FEZ2: variants seen among roughly 807,000 people sequenced by gnomAD.
FEZ2 encodes the protein fasciculation and elongation protein zeta 2, also known as fasciculation and elongation protein zeta-2.
FEZ2 carries 51 observed loss-of-function variants against 40.4 expected under a neutral mutation model. The observed-to-expected ratio is 1.26, with a 90% CI of 1.01 to 1.59. The LOEUF is 1.59. FEZ2 is among the 40% of genes most tolerant of loss of function. The probability of loss-of-function intolerance (pLI) is 0.00; values close to 1 mark genes in which losing one functional copy is unlikely to be tolerated. For missense variants in FEZ2, 640 were observed against 438.3 expected (o/e 1.46, Z -4.11); for synonymous variants, 242 against 172.0 (o/e 1.41, Z -3.18).
At chr2:36,593,551 C>A (rs968802815) in intron 1 of FEZ2, among the ~76,000 whole-genome samples, 4 of 152,108 alleles carry the variant, frequency 2.6e-5, no homozygotes, top group African/African-American at 9.6e-5. Flanking sequence ...TTGGGGCTTG[C>A]ACCCTCTGAA....
At chr2:36,553,876 C>G (rs979553231) in intron 7 of FEZ2, among the ~76,000 whole-genome samples, 1 of 152,130 alleles carries the variant, frequency 6.6e-6, no homozygotes, top group African/African-American at 2.4e-5. Context: ...GGCAAAGTGT[C>G]GTATTATTGG....
At chr2:36,578,453 G>T in intron 5 of FEZ2, 144 bp downstream of exon 5, 2 of 878,068 alleles carry the variant, frequency 2.3e-6, no homozygotes, top group Non-Finnish European at 3.6e-6. Flanking sequence ...CGGTATTCTG[G>T]AATAAAATCC....
Position 36,578,685 on chromosome 2 carries a change from T to C in FEZ2, c.815A>G (p.Glu272Gly). ...VLIEVQNKQK[E>G]HKETAKKKKK... ...TTTCTTTTTTGCTGTTTCTTTGTGC[T>C]CTTTCTGTTTGTTTTGCACTTCAAT... The change falls in exon 5 of 8, where the codon GAG becomes GGG. Residue 272 changes from glutamate to glycine, a missense_variant. By Grantham distance (98) the Glu-to-Gly change is moderately conservative. Transcript: ENST00000405912. The C allele has an allele frequency of 6.2e-7, 1 of 1,613,912 alleles. No homozygotes were observed. Among genetic ancestry groups the C allele is most frequent in the Non-Finnish European group, 8.5e-7 (1 of 1,179,808 alleles).
intron 1 of FEZ2, among the ~76,000 whole-genome samples, chr2:36,597,554 CAGGAGGTG>C (rs1669262398): frequency 2.7e-4 from 2 of 7,334 alleles, no homozygotes; most frequent in East Asian, 0.17. Context: ...ACACGTGCCC[CAGGAGGTG>C]CCCCAGGAGG....
At chr2:36,594,447 G>C in intron 1 of FEZ2, 1 of 199,352 alleles carries the variant, frequency 5.0e-6, no homozygotes, top group South Asian at 1.1e-4. Flanking sequence ...TCAGAATCAT[G>C]GCAGGAGGCA....
chr2:36,590,114 C>G (rs1217831551), intron 2 of FEZ2: 1 of 152,216 alleles, frequency 6.6e-6, no homozygotes, highest in Non-Finnish European at 1.5e-5. Flanking sequence ...GACATCTTCA[C>G]TTTACAATAC....
intron 5 of FEZ2, chr2:36,560,835 T>C: frequency 6.2e-7 from 1 of 1,611,332 alleles, no homozygotes; most frequent in Non-Finnish European, 8.5e-7. Flanking sequence ...CCATTCTGAA[T>C]GACATTTGAG....
chr2:36,596,759 C>A (rs1265100627), intron 1 of FEZ2, among the ~76,000 whole-genome samples: 2 of 152,178 alleles, frequency 1.3e-5, no homozygotes, highest in Non-Finnish European at 2.9e-5. Flanking sequence ...TGAGCCACCG[C>A]GCCCAATCTT....
At chr2:36,590,467 A>G (rs1469871762) in intron 2 of FEZ2, 3 of 155,310 alleles carry the variant, frequency 1.9e-5, no homozygotes, top group Non-Finnish European at 4.3e-5. Flanking sequence ...CAGGAGTTCG[A>G]GACCAGCCTG....
At chr2:36,593,610 G>C (rs947048758) in intron 1 of FEZ2, among the ~76,000 whole-genome samples, 28 of 152,062 alleles carry the variant, frequency 1.8e-4, no homozygotes, top group African/African-American at 6.8e-4. Flanking sequence ...AGCTGGAGCA[G>C]CTGGTACACA....
intron 5 of FEZ2, among the ~76,000 whole-genome samples, chr2:36,561,734 G>C (rs1668097091): frequency 1.3e-5 from 2 of 152,160 alleles, no homozygotes; most frequent in African/African-American, 2.4e-5. Flanking sequence ...TTCGTGAAAA[G>C]GAAGTGAAGG....
chr2:36,579,579 A>T lies in FEZ2; in HGVS notation c.635-714T>A, dbSNP rs116729756. ...CAGCCCCCTTCCTCCTGCTCCAGCC[A>T]TGTGAAGATACCTGCTCCAGCTCTG... On this transcript the variant is annotated intron_variant, in intron 4 of 7. Transcript: ENST00000405912. Among the ~76,000 whole-genome samples, 1,397 of 151,974 alleles carry T rather than the reference A, an allele frequency of 9.2e-3. 13 individuals carry two copies. Among genetic ancestry groups the T allele is most frequent in the African/African-American group, 0.032 (1,340 of 41,442 alleles).
chr2:36,573,228 T>G (rs978869302), intron 5 of FEZ2, among the ~76,000 whole-genome samples: 1 of 152,212 alleles, frequency 6.6e-6, no homozygotes, highest in Non-Finnish European at 1.5e-5. Flanking sequence ...TTCAAAGATT[T>G]GTTACTAGAT....
chr2:36,595,190 G>A (rs1307537142), intron 1 of FEZ2, among the ~76,000 whole-genome samples: 3 of 152,052 alleles, frequency 2.0e-5, no homozygotes, highest in Non-Finnish European at 2.9e-5. Context: ...GCCAAGGGTC[G>A]GGGAGGGCTT....
At position 36,560,085 on chromosome 2, in the gene FEZ2, A is replaced by G. The variant is rs536160878; in HGVS notation, c.904-1572T>C. 4.8e-4 allele frequency among the ~76,000 whole-genome samples: 73 copies of G among 152,326 alleles called. 1 individual carries two copies. The South Asian group carries it at 6.8e-3, about 14-fold the overall frequency. Reference sequence around the variant, plus strand: ...AAAGACTTTTCTTTTTCAAGGTGAAAATTTCATATAGTGAAAGGTAATTTT... The same window carrying G: ...AAAGACTTTTCTTTTTCAAGGTGAAGATTTCATATAGTGAAAGGTAATTTT... On this transcript the variant is annotated intron_variant, in intron 5 of 7. Transcript: ENST00000405912.
intron 5 of FEZ2, among the ~76,000 whole-genome samples, chr2:36,566,809 T>C (rs769613861): frequency 4.6e-5 from 7 of 152,254 alleles, no homozygotes; most frequent in Non-Finnish European, 1.0e-4. Flanking sequence ...CAAGGCCTGT[T>C]ACCTCACCTG....
chr2:36,570,558 G>A (rs574338211), intron 5 of FEZ2, among the ~76,000 whole-genome samples: 10 of 152,292 alleles, frequency 6.6e-5, no homozygotes, highest in Non-Finnish European at 1.2e-4. Context: ...GTCATGTGCT[G>A]CTTAAAAATG....
At chr2:36,555,487 A>G (rs1425546345) in intron 7 of FEZ2, 196 bp downstream of exon 7, 1 of 388,114 alleles carries the variant, frequency 2.6e-6, no homozygotes, top group Non-Finnish European at 4.7e-6. Context: ...AGAACCTCCA[A>G]TAAAACTTAA....
intron 5 of FEZ2, among the ~76,000 whole-genome samples, chr2:36,575,486 C>A (rs1385533804): frequency 6.6e-6 from 1 of 152,168 alleles, no homozygotes; most frequent in Non-Finnish European, 1.5e-5. Flanking sequence ...ATCCTGCCCA[C>A]TGTATCTTGA....
Sources: allele counts gnomAD v4.1 joint callset (sites outside exome capture counted in the v4.1 genomes callset), GRCh38; gene constraint gnomAD v4.1.1; transcripts MANE v1.5; gene names NCBI Gene and HGNC (gene_info 2026-07-23, HGNC 2026-07-21).